The following ACTR3C variants were observed in gnomAD, a reference collection of about 807,000 sequenced individuals.
The protein encoded by ACTR3C is actin-related protein 3C.
ACTR3C carries 18 observed loss-of-function variants against 26.3 expected under a neutral mutation model. The ratio of observed to expected loss-of-function variants is 0.68; its 90% CI spans 0.47 to 1.01. The LOEUF is 1.01. ACTR3C is among the 50% of genes least tolerant of loss of function. ACTR3C has a pLI of 0.00. For missense variants in ACTR3C, 184 were observed against 250.7 expected (o/e 0.73, Z 1.80); for synonymous variants, 55 against 94.5 (o/e 0.58, Z 2.42).
the ACTR3C span, among the ~76,000 whole-genome samples, chr7:149,993,728 G>T: frequency 6.6e-6 from 1 of 152,054 alleles, no homozygotes; most frequent in Non-Finnish European, 1.5e-5. Context: ...TACTCATTGG[G>T]GACAGTAATT....
the ACTR3C span, among the ~76,000 whole-genome samples, chr7:150,099,795 G>A: frequency 4.6e-5 from 7 of 151,670 alleles, 1 homozygote; most frequent in Admixed American, 2.0e-4. Flanking sequence ...GTACAGTGTA[G>A]CAATGTGACT....
the ACTR3C span, among the ~76,000 whole-genome samples, chr7:150,102,673 G>C: frequency 6.6e-6 from 1 of 151,966 alleles, no homozygotes; most frequent in Admixed American, 6.6e-5. Context: ...TCCTGATGGT[G>C]CTGGACCTTT....
chr7:150,176,951 C>T, the ACTR3C span, among the ~76,000 whole-genome samples: 1 of 150,598 alleles, frequency 6.6e-6, no homozygotes, highest in East Asian at 1.9e-4. Flanking sequence ...TTATTTTTCC[C>T]ATCCTACTTG....
chr7:150,150,563 T>C, the ACTR3C span, among the ~76,000 whole-genome samples: 146 of 139,494 alleles, frequency 1.0e-3, 29 homozygotes, highest in Non-Finnish European at 6.2e-4. Flanking sequence ...ATTCCTCTAC[T>C]GGGATATGTT....
At chr7:149,902,450 T>C in the ACTR3C span, among the ~76,000 whole-genome samples, 1 of 150,148 alleles carries the variant, frequency 6.7e-6, no homozygotes, top group African/African-American at 2.4e-5. Context: ...GTAGGATTTA[T>C]CCCAAAAATG....
At chr7:150,039,429 C>CA in the ACTR3C span, among the ~76,000 whole-genome samples, 1 of 46,832 alleles carries the variant, frequency 2.1e-5, no homozygotes, top group African/African-American at 5.2e-5. Flanking sequence ...CCCTGCCTCG[C>CA]GGGGGTGCCT....
the ACTR3C span, among the ~76,000 whole-genome samples, chr7:150,087,624 G>A: frequency 8.8e-3 from 1,339 of 152,214 alleles, 6 homozygotes; most frequent in African/African-American, 0.012. Flanking sequence ...AGAAATCAGC[G>A]AGTGAGCCCG....
chr7:150,217,138 G>A, the ACTR3C span, among the ~76,000 whole-genome samples: 4 of 146,320 alleles, frequency 2.7e-5, no homozygotes, highest in South Asian at 4.2e-4. Flanking sequence ...GTCCTGCTGC[G>A]AGCCCCACAC....
chr7:149,908,578 CCT>C, the ACTR3C span, among the ~76,000 whole-genome samples: 24 of 152,162 alleles, frequency 1.6e-4, no homozygotes, highest in African/African-American at 5.8e-4. Context: ...CTGTTTTTTC[CCT>C]GTCGACATTC....
At chr7:149,941,134 G>A in the ACTR3C span, among the ~76,000 whole-genome samples, 1 of 152,316 alleles carries the variant, frequency 6.6e-6, no homozygotes, top group East Asian at 1.9e-4. Flanking sequence ...ACACAACCCA[G>A]CAACAGTGGG....
chr7:150,277,509 C>T (rs1224736561), intron 6 of ACTR3C, among the ~76,000 whole-genome samples: 1 of 152,128 alleles, frequency 6.6e-6, no homozygotes, highest in South Asian at 2.1e-4. Context: ...TGTGAGCACA[C>T]CTTTGGTCCT....
the ACTR3C span, among the ~76,000 whole-genome samples, chr7:149,968,450 G>A: frequency 3.9e-5 from 6 of 152,126 alleles, no homozygotes; most frequent in South Asian, 4.1e-4. Flanking sequence ...GGAGAATGGC[G>A]TGAACCCAGG....
At chr7:150,014,724 A>G in the ACTR3C span, among the ~76,000 whole-genome samples, 2 of 152,222 alleles carry the variant, frequency 1.3e-5, no homozygotes, top group Admixed American at 1.3e-4. Context: ...ACTAATGCTT[A>G]GTGGGCCCCT....
At chr7:150,176,952 A>T in the ACTR3C span, among the ~76,000 whole-genome samples, 1 of 150,788 alleles carries the variant, frequency 6.6e-6, no homozygotes, top group Non-Finnish European at 1.5e-5. Context: ...TATTTTTCCC[A>T]TCCTACTTGG....
At chr7:150,034,213 G>C in the ACTR3C span, among the ~76,000 whole-genome samples, 1 of 152,050 alleles carries the variant, frequency 6.6e-6, no homozygotes, top group African/African-American at 2.4e-5. Flanking sequence ...TAGCAGGGCA[G>C]TTGCTGCCAA....
the ACTR3C span, among the ~76,000 whole-genome samples, chr7:150,198,814 G>GC: frequency 2.8e-5 from 4 of 141,074 alleles, no homozygotes; most frequent in Admixed American, 2.1e-4. Context: ...GGGGGGGTCA[G>GC]CCCCCCGCCC....
chr7:150,274,292 G>A lies in ACTR3C; in HGVS notation c.564+10461C>T, dbSNP rs181244093. The stretch of plus-strand genomic sequence containing the variant: ...AACGGCACCAAGCAGGTCTGTCAGC[G>A]CCATTTTCCCAAAAGCACACGCTCA... On this transcript the variant is annotated intron_variant, in intron 6 of 7. Transcript: ENST00000683684. This position sits in a 1 kb window ranked among gnomAD's most constrained non-coding sequence, Gnocchi z 4.1. 2.9e-3 allele frequency among the ~76,000 whole-genome samples: 437 copies of A among 152,212 alleles called. 3 individuals carry two copies. Among genetic ancestry groups the A allele is most frequent in the African/African-American group, 9.8e-3 (405 of 41,518 alleles).
chr7:150,155,701 C>T, the ACTR3C span, among the ~76,000 whole-genome samples: 3 of 141,196 alleles, frequency 2.1e-5, no homozygotes, highest in East Asian at 2.3e-4. Context: ...ACAATGCCTT[C>T]GACTGGCAGA....
chr7:150,199,616 T>A, the ACTR3C span, among the ~76,000 whole-genome samples: 8,804 of 83,438 alleles, frequency 0.11, 392 homozygotes, highest in Non-Finnish European at 0.14. Flanking sequence ...AAAATAAATT[T>A]AAAAAAAAAA....
Sources: gnomAD v4.1 joint callset for allele counts (sites outside exome capture counted in the v4.1 genomes callset) on GRCh38, gnomAD v4.1.1 for gene constraint, Gnocchi (gnomAD v3.1) non-coding constraint, MANE v1.5 for transcripts, NCBI Gene and HGNC (gene_info 2026-07-23, HGNC 2026-07-21) for gene names.